LRP1: variants seen among roughly 807,000 people sequenced by gnomAD.
The protein encoded by LRP1 is LDL receptor related protein 1.
A neutral mutation model predicts 541.5 loss-of-function variants in LRP1; 51 were observed. The observed-to-expected ratio is 0.09, with a 90% CI of 0.08 to 0.12. The LOEUF (loss-of-function observed/expected upper bound fraction) is 0.12. LRP1 is among the 10% of genes least tolerant of loss of function. The pLI, the probability that LRP1 is intolerant of heterozygous loss-of-function variation, is 1.00. For missense variants in LRP1, 3,878 were observed against 6,376.2 expected (o/e 0.61, Z 13.34); for synonymous variants, 2,219 against 2,470.8 (o/e 0.90, Z 3.02).
intron 42 of LRP1, 48 bp from the exon 43 acceptor site, chr12:57,190,757 G>C: frequency 6.4e-7 from 1 of 1,574,228 alleles, no homozygotes; most frequent in Middle Eastern, 1.7e-4. Context: ...GCCCTCTGTT[G>C]TGGATTCTCA....
intron 4 of LRP1, 156 bp from the exon 5 acceptor site, chr12:57,144,816 G>T (rs912375822): frequency 2.8e-6 from 2 of 717,296 alleles, no homozygotes; most frequent in Non-Finnish European, 4.8e-6. Context: ...GACTTGCTGG[G>T]TGTTAAGGTT....
At chr12:57,129,985 C>T (rs2035004897) in intron 1 of LRP1, among the ~76,000 whole-genome samples, 1 of 152,172 alleles carries the variant, frequency 6.6e-6, no homozygotes, top group Non-Finnish European at 1.5e-5. Flanking sequence ...TTGTATATTG[C>T]AGAGTTAGGC....
chr12:57,210,349 G>A lies in LRP1; in HGVS notation c.12623G>A (p.Gly4208Asp). The A allele has an allele frequency of 6.3e-7, 1 of 1,591,306 alleles. No individual in the cohort carries two copies. Among genetic ancestry groups the A allele is most frequent in the Non-Finnish European group, 8.6e-7 (1 of 1,168,500 alleles). Reference protein sequence around the residue: ...GTCNLQCFNGGSCFLNARRQP... With the variant: ...GTCNLQCFNGDSCFLNARRQP... ...TGTAACCTGCAGTGCTTCAACGGTG[G>A]CAGCTGTTTCCTCAATGCACGGAGG... The change falls in exon 82 of 89, where the codon GGC becomes GAC. Residue 4208 changes from glycine (G) to aspartate (D), a missense_variant. Gly to Asp is a moderately conservative substitution (Grantham distance 94). Around this residue, in one of 13 missense-constraint regions of LRP1, gnomAD observed 871 missense variants for 1,212.4 expected, o/e 0.72. Coordinates refer to ENST00000243077, the MANE Select transcript of LRP1 (RefSeq NM_002332.3).
In LRP1 at chr12:57,180,321, C is replaced by T. The variant is rs1167194847; in HGVS notation, c.5237-9C>T. 1 of 1,613,732 alleles carries T rather than the reference C, an allele frequency of 6.2e-7. No homozygotes were observed. Among genetic ancestry groups the T allele is most frequent in the Non-Finnish European group, 8.5e-7 (1 of 1,179,736 alleles). ...CCAGACTCCCCGGCAGTGACTCCCC[C>T]TTTTCCAGGCCTGGCTATTGACTTC... On this transcript the variant is annotated splice_polypyrimidine_tract_variant and intron_variant, in intron 31 of 88. Transcript: ENST00000243077.
chr12:57,190,612 C>T (rs570969820), intron 42 of LRP1, among the ~76,000 whole-genome samples, 193 bp from the exon 43 acceptor site: 4 of 152,268 alleles, frequency 2.6e-5, no homozygotes, highest in Admixed American at 6.5e-5. Flanking sequence ...TCACACTCAG[C>T]CACCTCGTGT....
rs1334775970 is a variant in LRP1 at position 57,182,558 on chromosome 12, T to C, written c.5663-821T>C. Among the ~76,000 whole-genome samples, 3 of 148,810 alleles carry C rather than the reference T, an allele frequency of 2.0e-5. No homozygotes were observed. The Admixed American group carries it at 2.0e-4, about 10-fold the overall frequency. Reference sequence around the variant, plus strand: ...AAGAGCCAGGTGCGTGGCTCATGCCTGTGATCCCAGCACTTTGGGAGGCTA... The same window carrying C: ...AAGAGCCAGGTGCGTGGCTCATGCCCGTGATCCCAGCACTTTGGGAGGCTA... On this transcript the variant is annotated intron_variant, in intron 34 of 88. Coordinates refer to ENST00000243077, the MANE Select transcript of LRP1 (RefSeq NM_002332.3).
chr12:57,128,702 CA>C lies in LRP1; in HGVS notation c.-262del. On this transcript the variant is annotated 5_prime_UTR_variant, in exon 1 of 89. Transcript: ENST00000243077. ...GCTTCGCCCGGGGAGGGGGAAAGAG[CA>C]GCGAGGAGTGAAGCGGGGGGGTGGG... The C allele has an allele frequency of 2.4e-6, 1 of 414,468 alleles. No individual in the cohort carries two copies. The highest frequency in any genetic ancestry group is 4.3e-6 in the Non-Finnish European group (1 of 233,492). 25.7% of individuals were successfully genotyped at this position (414,468 alleles called of 1,614,324 possible). A position where few individuals can be genotyped will look rare whatever the true frequency, so the allele number is the denominator to read the frequency against.
chr12:57,143,807 G>A lies in LRP1; in HGVS notation c.448+9G>A, dbSNP rs764705352. On this transcript the variant is annotated intron_variant, in intron 4 of 88. Coordinates refer to ENST00000243077, the MANE Select transcript of LRP1 (RefSeq NM_002332.3). ...TGGCAAGACCTGCAAAGGTATGTGA[G>A]TGCATGTGCCTGTGTGCATGTGTGT... 1.9e-6 allele frequency: 3 copies of A among 1,612,316 alleles called. No individual in the cohort carries two copies. In the African/African-American group the frequency reaches 4.0e-5, roughly 22 times the overall value.
At chr12:57,131,018 TG>T (rs935494154) in intron 1 of LRP1, among the ~76,000 whole-genome samples, 3 of 152,278 alleles carry the variant, frequency 2.0e-5, no homozygotes, top group Admixed American at 2.0e-4. Context: ...TGCATAGAAA[TG>T]TAAGTTCAAC....
chr12:57,202,113 T>G (rs1486028437), intron 67 of LRP1, among the ~76,000 whole-genome samples: 3 of 151,890 alleles, frequency 2.0e-5, no homozygotes, highest in African/African-American at 7.3e-5. Context: ...TCTCCCAGTT[T>G]CCCTATCCCT....
chr12:57,154,847 G>C lies in LRP1; in HGVS notation c.1227+146G>C. 2.8e-6 allele frequency: 2 copies of C among 722,772 alleles called. No homozygotes were observed. The highest frequency in any genetic ancestry group is 4.2e-5 in the Admixed American group (2 of 47,422). 44.8% of individuals were successfully genotyped at this position (722,772 alleles called of 1,614,324 possible). A position where few individuals can be genotyped will look rare whatever the true frequency, so the allele number is the denominator to read the frequency against. On this transcript the variant is annotated intron_variant, in intron 8 of 88. Coordinates refer to ENST00000243077, the MANE Select transcript of LRP1 (RefSeq NM_002332.3). The surrounding 1 kb of genome is among the most constrained non-coding windows in gnomAD (Gnocchi z 4.6). ...CAGGCCTCTAGTGGGAGTGGGGTGG[G>C]CTTGAATACTGCAGAGAAAGGACAA...
Position 57,195,038 on chromosome 12 carries a change from A to C in LRP1, c.8245A>C (p.Lys2749Gln). The change falls in exon 51 of 89, where the codon AAG becomes CAG. Residue 2749 changes from lysine (K) to glutamine (Q), a missense_variant. By Grantham distance (53) the Lys-to-Gln change is moderately conservative. This residue lies in a region of LRP1 where 1,100 missense variants were observed against 1,827.4 expected (regional missense o/e 0.60). Transcript: ENST00000243077. ...FECQNHRCISKQWLCDGSDDC... is the reference protein window; with the variant it reads ...FECQNHRCISQQWLCDGSDDC... Reference sequence around the variant, plus strand: ...GTGCCAGAACCATCGCTGCATCTCCAAGCAGTGGCTGTGTGACGGCAGCGA... The same window carrying C: ...GTGCCAGAACCATCGCTGCATCTCCCAGCAGTGGCTGTGTGACGGCAGCGA... The C allele has an allele frequency of 1.2e-6, 2 of 1,614,088 alleles. No individual in the cohort carries two copies. Among genetic ancestry groups the C allele is most frequent in the Non-Finnish European group, 1.7e-6 (2 of 1,179,986 alleles).
Position 57,197,987 on chromosome 12 carries a change from TAC to T in LRP1, c.9283-165_9283-164del, listed in dbSNP as rs2036572753. Among the ~76,000 whole-genome samples, 1 of 152,196 alleles carries T rather than the reference TAC, an allele frequency of 6.6e-6. No homozygotes were observed. Among genetic ancestry groups the T allele is most frequent in the Non-Finnish European group, 1.5e-5 (1 of 68,022 alleles). On this transcript the variant is annotated intron_variant, in intron 58 of 88. Transcript: ENST00000243077. This position sits in a 1 kb window ranked among gnomAD's most constrained non-coding sequence, Gnocchi z 4.5. ...CTCTCCTAGAGCCTCTGCTGACACC[TAC>T]ACAGTGTCAGGCCCAGGACTGGGCA...
intron 1 of LRP1, among the ~76,000 whole-genome samples, chr12:57,132,570 T>G (rs2136647531): frequency 6.6e-6 from 1 of 152,338 alleles, no homozygotes; most frequent in South Asian, 2.1e-4. Flanking sequence ...TGTCATCCCC[T>G]TGGCAATCTC....
chr12:57,141,301 A>T, intron 2 of LRP1, 73 bp from the exon 3 acceptor site: 5 of 1,581,448 alleles, frequency 3.2e-6, no homozygotes, highest in Non-Finnish European at 4.3e-6. Flanking sequence ...ATCTCCCCTC[A>T]TCCCCAGTGA....
At chr12:57,139,997 A>G (rs1470492577) in intron 2 of LRP1, among the ~76,000 whole-genome samples, 1 of 152,126 alleles carries the variant, frequency 6.6e-6, no homozygotes, top group Non-Finnish European at 1.5e-5. Flanking sequence ...TCACTCACAC[A>G]CCGTGTCCAG....
Position 57,205,640 on chromosome 12 carries a change from G to C in LRP1, c.11553G>C (p.Arg3851=), listed in dbSNP as rs772639338. 4.3e-6 allele frequency: 7 copies of C among 1,613,118 alleles called. No homozygotes were observed. The East Asian group carries it at 1.3e-4, about 31-fold the overall frequency. The part of the protein sequence containing the change: ...TKGGHLCSCA[R]NFMKTHNTCK... ...GCGGCCACCTCTGCAGCTGCGCTCG[G>C]AACTTCATGAAGACGCACAACACCT... The change falls in exon 75 of 89, where the codon CGG becomes CGC. Residue 3851 remains arginine, a synonymous_variant. Coordinates refer to ENST00000243077, the MANE Select transcript of LRP1 (RefSeq NM_002332.3). The surrounding 1 kb of genome is among the most constrained non-coding windows in gnomAD (Gnocchi z 4.6).
Position 57,201,383 on chromosome 12 carries a change from C to A in LRP1, c.10346-114C>A. On this transcript the variant is annotated intron_variant, in intron 65 of 88. Transcript: ENST00000243077. This position sits in a 1 kb window ranked among gnomAD's most constrained non-coding sequence, Gnocchi z 6.4. ...ACTGGGGATAAACTGTTCCTTCCTC[C>A]GAAGAAGTTGCTGGCAGGACCAAGG... is the stretch of plus-strand genomic sequence containing the variant. 6.8e-7 allele frequency: 1 copy of A among 1,478,200 alleles called. No homozygotes were observed. 91.6% of individuals were successfully genotyped at this position (1,478,200 alleles called of 1,614,324 possible).
intron 15 of LRP1, chr12:57,164,701 G>A (rs1338241174): frequency 3.9e-5 from 6 of 152,204 alleles, no homozygotes; most frequent in Admixed American, 3.9e-4. Flanking sequence ...AGCCTGTTTT[G>A]TAATCATGCC....
Sources: gnomAD v4.1 joint callset for allele counts (sites outside exome capture counted in the v4.1 genomes callset) on GRCh38, gnomAD v4.1.1 for gene constraint, gnomAD v4.1.1 regional missense constraint, Gnocchi (gnomAD v3.1) non-coding constraint, MANE v1.5 for transcripts, NCBI Gene and HGNC (gene_info 2026-07-23, HGNC 2026-07-21) for gene names.